The following TAS1R3 variants were observed in gnomAD, a reference collection of about 807,000 sequenced individuals.
The protein encoded by TAS1R3 is taste 1 receptor member 3.
Under a neutral mutation model 46.1 loss-of-function variants are expected in TAS1R3, and 58 were observed. The observed-to-expected ratio is 1.26, with a 90% CI of 1.02 to 1.57. The LOEUF (loss-of-function observed/expected upper bound fraction) is 1.57, where lower values mean the gene tolerates loss of function less well. TAS1R3 is among the 40% of genes most tolerant of loss of function. The probability of loss-of-function intolerance (pLI) is 0.00; values close to 1 mark genes in which losing one functional copy is unlikely to be tolerated. For missense variants in TAS1R3, 1,422 were observed against 1,185.8 expected, an observed-to-expected ratio of 1.20 and a Z score of -2.93; for synonymous variants, 724 against 544.7, an observed-to-expected ratio of 1.33 and a Z score of -4.58.
intron 4 of TAS1R3, 52 bp downstream of exon 4, chr1:1,333,176 G>A: frequency 6.3e-7 from 1 of 1,592,668 alleles, no homozygotes; most frequent in Non-Finnish European, 8.5e-7. Flanking sequence ...CCCGCGGCAG[G>A]GCGCAGCCTG....
At position 1,331,398 on chromosome 1, in the gene TAS1R3, G is replaced by A. The variant is rs1643421949; in HGVS notation, c.53G>A (p.Gly18Glu). 1.2e-6 allele frequency: 2 copies of A among 1,605,680 alleles called. No homozygotes were observed. Among genetic ancestry groups the A allele is most frequent in the Non-Finnish European group, 1.7e-6 (2 of 1,176,638 alleles). ...AGCCTCTGGGCTCTCCTGCACCCTG[G>A]GACGGGGGCCCCATTGTGCCTGTCA... ...GLSLWALLHP[G>E]TGAPLCLSQQ... The change falls in exon 1 of 6, where the codon GGG becomes GAG. Residue 18 changes from glycine to glutamate, a missense_variant. Coordinates refer to ENST00000339381, the MANE Select transcript of TAS1R3 (RefSeq NM_152228.3).
At position 1,331,555 on chromosome 1, in the gene TAS1R3, C is replaced by A. The variant is rs1048725083; in HGVS notation, c.191+19C>A. The A allele has an allele frequency of 2.8e-5, 44 of 1,598,042 alleles. No individual in the cohort carries two copies. Among genetic ancestry groups the A allele is most frequent in the Non-Finnish European group, 3.8e-5 (44 of 1,172,678 alleles). Reference sequence around the variant, plus strand: ...GCACCAGGTACAGAGGTGGGACGGCCTGGGTCGGGGTCAGGGTGACCAGGT... The same window carrying A: ...GCACCAGGTACAGAGGTGGGACGGCATGGGTCGGGGTCAGGGTGACCAGGT... On this transcript the variant is annotated intron_variant, in intron 1 of 5. Transcript: ENST00000339381.
At position 1,334,234 on chromosome 1, in the gene TAS1R3, TC is replaced by T; in HGVS notation, c.2331del (p.Phe778LeufsTer80). On this transcript the variant is annotated frameshift_variant, in exon 6 of 6. Transcript: ENST00000339381. LOFTEE classifies it low-confidence loss of function (END_TRUNC). The part of the protein sequence containing the change: ...AMLAYFITWV[S>X]FVPLLANVQV... ...GCTGGCCTACTTCATCACCTGGGTC[TC>T]CTTTGTGCCCCTCCTGGCCAATGTG... 6.2e-7 allele frequency: 1 copy of T among 1,606,490 alleles called. No homozygotes were observed. The highest frequency in any genetic ancestry group is 1.7e-5 in the Admixed American group (1 of 59,736).
At position 1,334,616 on chromosome 1, in the gene TAS1R3, C is replaced by T. The variant is rs937904000; in HGVS notation, c.*152C>T. The T allele has an allele frequency of 8.0e-6, 7 of 873,382 alleles. No homozygotes were observed. The African/African-American group carries it at 1.0e-4, about 13-fold the overall frequency. The allele number at this position is 873,382 out of a possible 1,614,324, so 54.1% of individuals were successfully genotyped here. ...CCCTGACCCCACAGTGAGCCCTAGG[C>T]CTGGAGCACGTGGACACCCCTGTGA... On this transcript the variant is annotated 3_prime_UTR_variant, in exon 6 of 6. Transcript: ENST00000339381.
Position 1,334,457 on chromosome 1 carries a change from A to T in TAS1R3, c.2552A>T (p.His851Leu), listed in dbSNP as rs1432626835. 1.3e-6 allele frequency: 2 copies of T among 1,562,428 alleles called. No homozygotes were observed. The highest frequency in any genetic ancestry group is 3.5e-5 in the Admixed American group (2 of 56,796). Residue 851 changes from histidine to leucine, a missense_variant, in exon 6 of 6, where the codon CAT becomes CTT. By Grantham distance (99) the His-to-Leu change is moderately conservative (BLOSUM62 -3). Transcript: ENST00000339381. ...GGGAACACAGGAAATCAGGGGAAACATGAGTGACCCAACCCTGTGATCTCA... is the reference window on the plus strand; with the variant it reads ...GGGAACACAGGAAATCAGGGGAAACTTGAGTGACCCAACCCTGTGATCTCA... ...NDGNTGNQGK[H>L]E
In TAS1R3 at chr1:1,333,309, G is replaced by C; in HGVS notation, c.1530G>C (p.Arg510=). The C allele has an allele frequency of 1.2e-6, 2 of 1,601,126 alleles. No homozygotes were observed. Among genetic ancestry groups the C allele is most frequent in the Non-Finnish European group, 1.7e-6 (2 of 1,174,798 alleles). ...SRQCQEGQVR[R]VKGFHSCCYD... is the part of the protein sequence containing the mutation. Reference sequence around the variant, plus strand: ...AGTGCCAGGAGGGCCAGGTGCGCCGGGTCAAGGGGTTCCACTCCTGCTGCT... The same window carrying C: ...AGTGCCAGGAGGGCCAGGTGCGCCGCGTCAAGGGGTTCCACTCCTGCTGCT... The change falls in exon 5 of 6, where the codon CGG becomes CGC. Residue 510 remains arginine, a synonymous_variant. Coordinates refer to ENST00000339381, the MANE Select transcript of TAS1R3 (RefSeq NM_152228.3).
rs1384901512 is a variant in TAS1R3, at chr1:1,333,261, G to A, written c.1482G>A (p.Lys494=). The part of the protein sequence containing the change: ...KIRWHTSDNQ[K]PVSRCSRQCQ... ...CCAGACCCCAGGCCTGTGCGCAGAA[G>A]CCCGTGTCCCGGTGCTCGCGGCAGT... The change falls in exon 5 of 6, where the codon AAG becomes AAA. Residue 494 remains lysine, a splice_region_variant and synonymous_variant. Transcript: ENST00000339381. 1.3e-6 allele frequency: 2 copies of A among 1,599,114 alleles called. No homozygotes were observed. The highest frequency in any genetic ancestry group is 1.7e-6 in the Non-Finnish European group (2 of 1,174,916).
rs149509495 is a variant in TAS1R3 at position 1,332,362 on chromosome 1, G to A, written c.831G>A (p.Val277=). The change falls in exon 3 of 6, where the codon GTG becomes GTA. Residue 277 remains valine, a synonymous_variant. Transcript: ENST00000339381. The part of the protein sequence containing the change: ...SVQVVLLFAS[V]HAAHALFNYS... ...AGGTGGTGCTGCTGTTCGCCTCCGT[G>A]CACGCCGCCCACGCCCTCTTCAACT... 2 of 1,601,230 alleles carry A rather than the reference G, an allele frequency of 1.2e-6. No homozygotes were observed. Among genetic ancestry groups the A allele is most frequent in the African/African-American group, 1.3e-5 (1 of 74,818 alleles).
In TAS1R3 at chr1:1,332,174, G is replaced by A. The variant is rs767794887; in HGVS notation, c.643G>A (p.Asp215Asn). The change falls in exon 3 of 6, where the codon GAC becomes AAC. Residue 215 changes from aspartate (D) to asparagine (N), a missense_variant. Transcript: ENST00000339381. ...GWNWVAALGS[D>N]DEYGRQGLSI... Reference sequence around the variant, plus strand: ...GAACTGGGTGGCCGCCCTGGGCAGCGACGACGAGTACGGCCGGCAGGGCCT... The same window carrying A: ...GAACTGGGTGGCCGCCCTGGGCAGCAACGACGAGTACGGCCGGCAGGGCCT... 4.3e-5 allele frequency: 68 copies of A among 1,597,080 alleles called. No homozygotes were observed. The South Asian group carries it at 6.1e-4, about 14-fold the overall frequency.
At position 1,334,553 on chromosome 1, in the gene TAS1R3, C is replaced by T. The variant is rs551171337; in HGVS notation, c.*89C>T. On this transcript the variant is annotated 3_prime_UTR_variant, in exon 6 of 6. Transcript: ENST00000339381. ...ATGACCCGTGTCTCGCTACAGAGACCCTCCCGCTCTAGGTTCTGACCCCAG... is the reference window on the plus strand; with the variant it reads ...ATGACCCGTGTCTCGCTACAGAGACTCTCCCGCTCTAGGTTCTGACCCCAG... 2 of 1,361,422 alleles carry T rather than the reference C, an allele frequency of 1.5e-6. No individual in the cohort carries two copies. Among genetic ancestry groups the T allele is most frequent in the South Asian group, 1.5e-5 (1 of 66,322 alleles). The allele number at this position is 1,361,422 out of a possible 1,614,324, so 84.3% of individuals were successfully genotyped here.
Position 1,333,636 on chromosome 1 carries a change from C to G in TAS1R3, c.1731C>G (p.Ser577Arg), listed in dbSNP as rs747606130. 5 of 1,611,718 alleles carry G rather than the reference C, an allele frequency of 3.1e-6. No individual in the cohort carries two copies. The highest frequency in any genetic ancestry group is 3.4e-6 in the Non-Finnish European group (4 of 1,179,906). The change falls in exon 6 of 6, where the codon AGC becomes AGG. Residue 577 changes from serine (S) to arginine (R), a missense_variant. By Grantham distance (110) the Ser-to-Arg change is moderately radical (BLOSUM62 -1). Transcript: ENST00000339381. ...PAVLLLLLLL[S>R]LALGLVLAAL... Reference sequence around the variant, plus strand: ...TGCTGCTGCTGCTCCTGCTGCTGAGCCTGGCGCTGGGCCTTGTGCTGGCTG... The same window carrying G: ...TGCTGCTGCTGCTCCTGCTGCTGAGGCTGGCGCTGGGCCTTGTGCTGGCTG...
In TAS1R3 at chr1:1,331,983, T is replaced by TG. The variant is rs1393678237; in HGVS notation, c.493-38dup. ...ACCCACCCCCACCCAGCCCTGCCCG[T>TG]GGGAGCCCCTGTGTCAGGAGATGCC... On this transcript the variant is annotated intron_variant, in intron 2 of 5. Coordinates refer to ENST00000339381, the MANE Select transcript of TAS1R3 (RefSeq NM_152228.3). 4 of 1,187,868 alleles carry TG rather than the reference T, an allele frequency of 3.4e-6. No individual in the cohort carries two copies. The Admixed American group carries it at 7.7e-5, about 23-fold the overall frequency. 73.6% of individuals were successfully genotyped at this position (1,187,868 alleles called of 1,614,324 possible). A position where few individuals can be genotyped will look rare whatever the true frequency, so the allele number is the denominator to read the frequency against.
chr1:1,333,050 CACG>C lies in TAS1R3; in HGVS notation c.1409_1411del (p.Asp470del), dbSNP rs777291545. On this transcript the variant is annotated inframe_deletion, in exon 4 of 6. Coordinates refer to ENST00000339381, the MANE Select transcript of TAS1R3 (RefSeq NM_152228.3). The stretch of plus-strand genomic sequence containing the variant: ...GTGGCAGGGCTCAGTGCCCAGGCTC[CACG>C]ACGTGGGCAGGTTCAACGGCAGCCT... 4.3e-6 allele frequency: 7 copies of C among 1,612,642 alleles called. No individual in the cohort carries two copies. In the Admixed American group the frequency reaches 1.2e-4, roughly 27 times the overall value.
chr1:1,334,619 G>A lies in TAS1R3; in HGVS notation c.*155G>A, dbSNP rs959210485. 7.4e-6 allele frequency: 6 copies of A among 814,956 alleles called. No homozygotes were observed. The highest frequency in any genetic ancestry group is 1.7e-5 in the African/African-American group (1 of 57,586). 50.5% of individuals were successfully genotyped at this position (814,956 alleles called of 1,614,324 possible). ...TGACCCCACAGTGAGCCCTAGGCCT[G>A]GAGCACGTGGACACCCCTGTGACCA... On this transcript the variant is annotated 3_prime_UTR_variant, in exon 6 of 6. Coordinates refer to ENST00000339381, the MANE Select transcript of TAS1R3 (RefSeq NM_152228.3).
In TAS1R3 at chr1:1,332,676, G is replaced by A. The variant is rs372535876; in HGVS notation, c.1145G>A (p.Ser382Asn). 2 of 1,605,538 alleles carry A rather than the reference G, an allele frequency of 1.2e-6. No homozygotes were observed. The highest frequency in any genetic ancestry group is 1.7e-6 in the Non-Finnish European group (2 of 1,179,558). Residue 382 changes from serine to asparagine, a missense_variant, in exon 3 of 6, where the codon AGC becomes AAC. By Grantham distance (46) the Ser-to-Asn change is conservative. Coordinates refer to ENST00000339381, the MANE Select transcript of TAS1R3 (RefSeq NM_152228.3). ...QCDCITLQNVSAGLNHHQTFS... is the reference protein window; with the variant it reads ...QCDCITLQNVNAGLNHHQTFS... ...GACTGCATCACGCTGCAGAACGTGAGCGCAGGGCTAAATCACCACCAGACG... is the reference window on the plus strand; with the variant it reads ...GACTGCATCACGCTGCAGAACGTGAACGCAGGGCTAAATCACCACCAGACG...
In TAS1R3 at chr1:1,332,053, G is replaced by A. The variant is rs776119393; in HGVS notation, c.522G>A (p.Leu174=). The A allele has an allele frequency of 3.7e-6, 6 of 1,605,236 alleles. 1 individual carries two copies. The highest frequency in any genetic ancestry group is 3.3e-5 in the South Asian group (3 of 91,070). ...GCTACGGTGCTAGCATGGAGCTGCT[G>A]AGCGCCCGGGAGACCTTCCCCTCCT... The part of the protein sequence containing the change: ...QVSYGASMEL[L]SARETFPSFF... The change falls in exon 3 of 6, where the codon CTG becomes CTA. Residue 174 remains leucine (L), a synonymous_variant. Transcript: ENST00000339381.
Position 1,333,986 on chromosome 1 carries a change from C to T in TAS1R3, c.2081C>T (p.Ala694Val). ...VVLLAMLVEV[A>V]LCTWYLVAFP... ...CTGCTGGCCATGCTGGTGGAGGTCG[C>T]ACTGTGCACCTGGTACCTGGTGGCC... The change falls in exon 6 of 6, where the codon GCA becomes GTA. Residue 694 changes from alanine (A) to valine (V), a missense_variant. By Grantham distance (64) the Ala-to-Val change is moderately conservative (BLOSUM62 0). Coordinates refer to ENST00000339381, the MANE Select transcript of TAS1R3 (RefSeq NM_152228.3). 1.3e-6 allele frequency: 2 copies of T among 1,599,884 alleles called. No individual in the cohort carries two copies.
chr1:1,331,456 G>C lies in TAS1R3; in HGVS notation c.111G>C (p.Leu37=). 6.2e-7 allele frequency: 1 copy of C among 1,604,384 alleles called. No individual in the cohort carries two copies. The highest frequency in any genetic ancestry group is 8.5e-7 in the Non-Finnish European group (1 of 1,177,104). ...TTAGGATGAAGGGGGACTACGTGCTGGGGGGGCTGTTCCCCCTGGGCGAGG... is the reference window on the plus strand; with the variant it reads ...TTAGGATGAAGGGGGACTACGTGCTCGGGGGGCTGTTCCCCCTGGGCGAGG... ...QQLRMKGDYV[L]GGLFPLGEAE... The change falls in exon 1 of 6, where the codon CTG becomes CTC. Residue 37 remains leucine, a synonymous_variant. Coordinates refer to ENST00000339381, the MANE Select transcript of TAS1R3 (RefSeq NM_152228.3).
rs1396832966 is a variant in TAS1R3 at position 1,333,581 on chromosome 1, C to T, written c.1676C>T (p.Ser559Phe). Reference sequence around the variant, plus strand: ...AGCACACGCTGCTTCCGCCGCAGGTCTCGGTTCCTGGCATGGGGCGAGCCG... The same window carrying T: ...AGCACACGCTGCTTCCGCCGCAGGTTTCGGTTCCTGGCATGGGGCGAGCCG... ...ERSTRCFRRR[S>F]RFLAWGEPAV... The change falls in exon 6 of 6, where the codon TCT becomes TTT. Residue 559 changes from serine (S) to phenylalanine (F), a missense_variant. Ser to Phe is a radical substitution (Grantham distance 155). Coordinates refer to ENST00000339381, the MANE Select transcript of TAS1R3 (RefSeq NM_152228.3). 1.2e-6 allele frequency: 2 copies of T among 1,607,404 alleles called. No homozygotes were observed. The highest frequency in any genetic ancestry group is 1.7e-6 in the Non-Finnish European group (2 of 1,179,922).
Sources: gnomAD v4.1 joint callset for allele counts on GRCh38, gnomAD v4.1.1 for gene constraint, MANE v1.5 for transcripts, NCBI Gene and HGNC (gene_info 2026-07-23, HGNC 2026-07-21) for gene names.